Variants in PHKB observed in about 807,000 individuals in gnomAD.
The protein encoded by PHKB is phosphorylase kinase regulatory subunit beta.
Under a neutral mutation model 152.1 loss-of-function variants are expected in PHKB, and 122 were observed. The observed-to-expected ratio is 0.80, with a 90% CI of 0.69 to 0.93. PHKB has a LOEUF of 0.93. Ranked by LOEUF, PHKB falls within the 40% of genes least tolerant of loss-of-function variation. The probability of loss-of-function intolerance (pLI) is 0.00; values close to 1 mark genes in which losing one functional copy is unlikely to be tolerated. For missense variants in PHKB, 1,304 were observed against 1,328.4 expected (o/e 0.98, Z 0.29); for synonymous variants, 436 against 464.9 (o/e 0.94, Z 0.80).
At chr16:47,665,761 G>T in intron 25 of PHKB, 1 of 675,934 alleles carries the variant, frequency 1.5e-6, no homozygotes, top group South Asian at 1.6e-5. Flanking sequence ...CCCTAATTCT[G>T]AATGGTCCTG....
intron 16 of PHKB, among the ~76,000 whole-genome samples, chr16:47,643,379 T>C (rs972121182): frequency 6.6e-6 from 1 of 152,220 alleles, no homozygotes; most frequent in Non-Finnish European, 1.5e-5. Context: ...TCATACAAAG[T>C]GCTTGTGAAT....
At chr16:47,543,382 G>T (rs956032866) in intron 6 of PHKB, among the ~76,000 whole-genome samples, 1 of 152,182 alleles carries the variant, frequency 6.6e-6, no homozygotes, top group Non-Finnish European at 1.5e-5. Flanking sequence ...GCTTTTTGAT[G>T]TGCTGCTGGA....
chr16:47,539,938 AAC>A (rs1971022518), intron 6 of PHKB, among the ~76,000 whole-genome samples: 1 of 152,176 alleles, frequency 6.6e-6, no homozygotes, highest in Non-Finnish European at 1.5e-5. Context: ...AGAACAGAAT[AAC>A]AGCGATTTTT....
chr16:47,657,753 G>A (rs1267401890), intron 20 of PHKB, among the ~76,000 whole-genome samples: 2 of 152,228 alleles, frequency 1.3e-5, no homozygotes, highest in East Asian at 3.9e-4. Context: ...TTATTAAATA[G>A]AATTTTTTTC....
intron 6 of PHKB, among the ~76,000 whole-genome samples, chr16:47,546,125 T>G (rs1391108006): frequency 6.6e-6 from 1 of 152,202 alleles, no homozygotes; most frequent in African/African-American, 2.4e-5. Flanking sequence ...CATCCAGCTT[T>G]TTTCCGTTGC....
intron 6 of PHKB, among the ~76,000 whole-genome samples, chr16:47,540,681 A>G (rs1305354182): frequency 2.6e-5 from 4 of 152,126 alleles, no homozygotes; most frequent in South Asian, 4.2e-4. Flanking sequence ...GGTTCCCCCA[A>G]TAAAATACTG....
chr16:47,542,840 A>G (rs913688706), intron 6 of PHKB, among the ~76,000 whole-genome samples: 1 of 152,204 alleles, frequency 6.6e-6, no homozygotes, highest in Non-Finnish European at 1.5e-5. Flanking sequence ...TGATTTTTGC[A>G]CATTGATTTT....
intron 1 of PHKB, chr16:47,462,455 A>C (rs1969583236): frequency 6.6e-6 from 1 of 152,172 alleles, no homozygotes; most frequent in Admixed American, 6.5e-5. Context: ...CCAACCTGGT[A>C]AAACCCCATC....
chr16:47,538,067 A>AT (rs534371844), intron 6 of PHKB, among the ~76,000 whole-genome samples: 2 of 151,624 alleles, frequency 1.3e-5, no homozygotes, highest in African/African-American at 2.4e-5. Flanking sequence ...TAATTTTTTA[A>AT]TTTTTTTTGT....
chr16:47,652,128 G>A (rs756282142), intron 20 of PHKB, among the ~76,000 whole-genome samples: 10 of 151,750 alleles, frequency 6.6e-5, no homozygotes, highest in Non-Finnish European at 1.3e-4. Flanking sequence ...CAGATGTCCG[G>A]TATTCTTTAG....
intron 13 of PHKB, 90 bp downstream of exon 13, chr16:47,596,621 TG>T: frequency 7.8e-7 from 1 of 1,286,248 alleles, no homozygotes; most frequent in Non-Finnish European, 1.1e-6. Context: ...ATGTTGGATT[TG>T]GGTGGTGTTT....
At chr16:47,563,149 A>T (rs1040251810) in intron 7 of PHKB, among the ~76,000 whole-genome samples, 6 of 151,422 alleles carry the variant, frequency 4.0e-5, no homozygotes, top group Non-Finnish European at 7.4e-5. Context: ...TATCCATGAC[A>T]TTTGGAATCA....
At chr16:47,526,008 A>G (rs1447537716) in intron 6 of PHKB, among the ~76,000 whole-genome samples, 1 of 152,148 alleles carries the variant, frequency 6.6e-6, no homozygotes, top group Non-Finnish European at 1.5e-5. Context: ...GGGTAGATAC[A>G]TAATGGTCCA....
At chr16:47,684,646 A>C (rs1225217633) in intron 26 of PHKB, among the ~76,000 whole-genome samples, 1 of 152,204 alleles carries the variant, frequency 6.6e-6, no homozygotes, top group Non-Finnish European at 1.5e-5. Flanking sequence ...GGGCGCCTGT[A>C]GTCCCAGCTA....
At chr16:47,604,102 A>C (rs1314311884) in intron 13 of PHKB, among the ~76,000 whole-genome samples, 1 of 152,116 alleles carries the variant, frequency 6.6e-6, no homozygotes, top group African/African-American at 2.4e-5. Context: ...TCTTGTTTTC[A>C]TTTATATTCT....
At chr16:47,597,168 G>A (rs564996922) in intron 13 of PHKB, among the ~76,000 whole-genome samples, 1 of 152,168 alleles carries the variant, frequency 6.6e-6, no homozygotes, top group East Asian at 1.9e-4. Flanking sequence ...CATCAAAAAG[G>A]CTATCACTTT....
intron 9 of PHKB, among the ~76,000 whole-genome samples, chr16:47,588,622 A>G (rs1480011866): frequency 6.6e-6 from 1 of 152,232 alleles, no homozygotes; most frequent in Non-Finnish European, 1.5e-5. Context: ...ATTGTTGTGA[A>G]AAACTAAGTT....
chr16:47,594,993 T>C (rs1235844584), intron 12 of PHKB, among the ~76,000 whole-genome samples: 2 of 152,228 alleles, frequency 1.3e-5, no homozygotes, highest in Non-Finnish European at 2.9e-5. Context: ...AACATGCTTG[T>C]AATGTTAAAA....
chr16:47,581,509 C>T (rs1971844977), intron 8 of PHKB, among the ~76,000 whole-genome samples: 1 of 152,084 alleles, frequency 6.6e-6, no homozygotes, highest in African/African-American at 2.4e-5. Flanking sequence ...TACTCAATTC[C>T]ACCAGTGAGT....
Sources: allele counts gnomAD v4.1 joint callset (sites outside exome capture counted in the v4.1 genomes callset), GRCh38; gene constraint gnomAD v4.1.1; transcripts MANE v1.5; gene names NCBI Gene and HGNC (gene_info 2026-07-23, HGNC 2026-07-21).